Variants in FYN observed in about 807,000 individuals in gnomAD.
FYN encodes the protein FYN proto-oncogene, Src family tyrosine kinase.
Under a neutral mutation model 70.2 loss-of-function variants are expected in FYN, and 10 were observed. The ratio of observed to expected loss-of-function variants is 0.14; its 90% CI spans 0.09 to 0.24. The LOEUF (loss-of-function observed/expected upper bound fraction) is 0.24. Ranked by LOEUF, FYN falls within the 10% of genes least tolerant of loss-of-function variation. The pLI, the probability that FYN is intolerant of heterozygous loss-of-function variation, is 1.00. For synonymous variants in FYN, 236 were observed against 248.6 expected (o/e 0.95, Z 0.48); for missense variants, 319 against 673.1 (o/e 0.47, Z 5.82).
At chr6:111,776,490 CT>C (rs1770944855) in intron 3 of FYN, among the ~76,000 whole-genome samples, 1 of 152,186 alleles carries the variant, frequency 6.6e-6, no homozygotes, top group South Asian at 2.1e-4. Flanking sequence ...GAAATGAGAT[CT>C]TTTATCTTCC....
chr6:111,707,381 A>G (rs1388538117), intron 6 of FYN, among the ~76,000 whole-genome samples: 1 of 152,218 alleles, frequency 6.6e-6, no homozygotes, highest in Non-Finnish European at 1.5e-5. Flanking sequence ...TTTACTACCA[A>G]AGAAGCCAAC....
intron 1 of FYN, among the ~76,000 whole-genome samples, chr6:111,848,734 G>C (rs1773601282): frequency 2.0e-5 from 3 of 152,192 alleles, no homozygotes; most frequent in African/African-American, 7.2e-5. Context: ...AGAATAAAGA[G>C]TGGCATTTGC....
intron 2 of FYN, among the ~76,000 whole-genome samples, chr6:111,818,252 C>T (rs894225351): frequency 2.0e-5 from 3 of 152,150 alleles, no homozygotes; most frequent in African/African-American, 4.8e-5. Context: ...AGAAAACATA[C>T]ACATCTACCA....
chr6:111,752,707 G>A (rs1020483715), intron 3 of FYN, among the ~76,000 whole-genome samples: 1 of 152,170 alleles, frequency 6.6e-6, no homozygotes. Context: ...GACTGAATTT[G>A]GAGCTCAGAG....
chr6:111,798,877 T>A (rs778409109), intron 2 of FYN, among the ~76,000 whole-genome samples: 18 of 152,228 alleles, frequency 1.2e-4, no homozygotes, highest in Admixed American at 6.5e-5. Context: ...GTATATTTAC[T>A]CTTTAGGAAA....
intron 1 of FYN, among the ~76,000 whole-genome samples, chr6:111,871,543 G>C (rs1474687008): frequency 1.3e-5 from 2 of 152,152 alleles, no homozygotes; most frequent in Non-Finnish European, 2.9e-5. Context: ...CAATAAAAGG[G>C]TAAAACAACA....
chr6:111,667,056 C>T (rs75283585), intron 13 of FYN, among the ~76,000 whole-genome samples: 8,665 of 152,240 alleles, frequency 0.057, 379 homozygotes, highest in Non-Finnish European at 0.09. Flanking sequence ...TTGCTGGCTT[C>T]CTCCAGCAAA....
At chr6:111,717,904 G>C (rs748285509) in intron 4 of FYN, among the ~76,000 whole-genome samples, 1 of 152,204 alleles carries the variant, frequency 6.6e-6, no homozygotes, top group Non-Finnish European at 1.5e-5. Context: ...CTTTCCTCAG[G>C]AGAGTTAGCA....
intron 2 of FYN, among the ~76,000 whole-genome samples, chr6:111,808,392 G>T (rs910057811): frequency 4.6e-5 from 7 of 152,214 alleles, no homozygotes; most frequent in African/African-American, 1.4e-4. Flanking sequence ...GAAGGGGCAA[G>T]GTGAGGAAGC....
At chr6:111,746,391 G>C (rs542073462) in intron 3 of FYN, among the ~76,000 whole-genome samples, 1 of 152,112 alleles carries the variant, frequency 6.6e-6, no homozygotes, top group Non-Finnish European at 1.5e-5. Context: ...AGTTTTCTCT[G>C]GTCTAGGGTT....
At chr6:111,837,452 C>T (rs1193253344) in intron 2 of FYN, among the ~76,000 whole-genome samples, 1 of 152,084 alleles carries the variant, frequency 6.6e-6, no homozygotes, top group Non-Finnish European at 1.5e-5. Flanking sequence ...TCTATGTTGA[C>T]ACACAGCAAC....
At chr6:111,856,472 G>A (rs1773825723) in intron 1 of FYN, among the ~76,000 whole-genome samples, 1 of 151,958 alleles carries the variant, frequency 6.6e-6, no homozygotes, top group Non-Finnish European at 1.5e-5. Context: ...GTTGACTAAT[G>A]GGAGTGAAAA....
chr6:111,687,217 CAGTT>C (rs1391739566), intron 12 of FYN, among the ~76,000 whole-genome samples: 5 of 152,148 alleles, frequency 3.3e-5, no homozygotes, highest in Admixed American at 6.5e-5. Context: ...AAAACTGCAA[CAGTT>C]AGTAATTCTT....
At chr6:111,822,639 T>TAA (rs1350683553) in intron 2 of FYN, among the ~76,000 whole-genome samples, 2 of 150,634 alleles carry the variant, frequency 1.3e-5, no homozygotes, top group Non-Finnish European at 3.0e-5. Context: ...TATATATATA[T>TAA]AAAATTTAAA....
intron 2 of FYN, among the ~76,000 whole-genome samples, chr6:111,827,145 G>A (rs944331074): frequency 6.6e-6 from 1 of 152,136 alleles, no homozygotes; most frequent in Admixed American, 6.6e-5. Flanking sequence ...AGAAGAAGCT[G>A]TAACATTTAT....
chr6:111,711,750 C>T (rs1052534795), intron 5 of FYN, among the ~76,000 whole-genome samples: 1 of 152,190 alleles, frequency 6.6e-6, no homozygotes, highest in Non-Finnish European at 1.5e-5. Flanking sequence ...GGGGAGGAGC[C>T]GTGTGCCATC....
chr6:111,797,665 C>CATATATATAT (rs57984132), intron 2 of FYN, among the ~76,000 whole-genome samples: 55 of 90,902 alleles, frequency 6.1e-4, no homozygotes, highest in Non-Finnish European at 1.2e-3. Context: ...ATCAAAGTTT[C>CATATATATAT]ATATATATAT....
intron 7 of FYN, among the ~76,000 whole-genome samples, chr6:111,703,313 G>A (rs999504478): frequency 7.9e-5 from 12 of 152,112 alleles, no homozygotes; most frequent in East Asian, 7.7e-4. Context: ...ATAATACAGC[G>A]TAGACTCAAT....
chr6:111,722,004 A>G (rs1282749762), intron 3 of FYN, among the ~76,000 whole-genome samples: 4 of 152,158 alleles, frequency 2.6e-5, no homozygotes, highest in African/African-American at 9.7e-5. Flanking sequence ...GAGGCAGCAA[A>G]GGAGAAGGCA....
Sources: allele counts gnomAD v4.1 joint callset (sites outside exome capture counted in the v4.1 genomes callset), GRCh38; gene constraint gnomAD v4.1.1; transcripts MANE v1.5; gene names NCBI Gene and HGNC (gene_info 2026-07-23, HGNC 2026-07-21).